Variants in GAN observed in about 807,000 individuals in gnomAD.
GAN encodes epididymis secretory sperm binding protein.
A neutral mutation model predicts 71.3 loss-of-function variants in GAN; 48 were observed. That is an observed-to-expected ratio of 0.67 (90% CI 0.53 to 0.86). GAN has a LOEUF of 0.86. Among genes scored for constraint, GAN ranks in the 40% least tolerant of loss-of-function variants. GAN has a pLI of 0.00. For synonymous variants in GAN, 386 were observed against 276.8 expected (o/e 1.39, Z -3.92); for missense variants, 928 against 770.1 (o/e 1.21, Z -2.43).
At position 81,379,041 on chromosome 16, in the gene GAN, G is replaced by T. The variant is rs1597415081; in HGVS notation, c.*1445G>T. ...TTTTTAATTGTTTTCTAAAAAAAAG[G>T]TTTTTTTTTTCCTTTTGGAATATGG... is the stretch of plus-strand genomic sequence containing the variant. On this transcript the variant is annotated 3_prime_UTR_variant, in exon 11 of 11. Coordinates refer to ENST00000648994, the MANE Select transcript of GAN (RefSeq NM_022041.4). 6.7e-6 allele frequency: 1 copy of T among 148,584 alleles called. No individual in the cohort carries two copies. The highest frequency in any genetic ancestry group is 6.7e-5 in the Admixed American group (1 of 14,872). The allele number at this position is 148,584 out of a possible 1,614,324, so 9.2% of individuals were successfully genotyped here.
intron 1 of GAN, among the ~76,000 whole-genome samples, chr16:81,341,548 G>A (rs1456839716): frequency 6.6e-6 from 1 of 152,136 alleles, no homozygotes; most frequent in Non-Finnish European, 1.5e-5. Context: ...CATAAGTGAA[G>A]GAGAAATAAA....
chr16:81,357,986 C>T (rs751299258), intron 5 of GAN, 55 bp downstream of exon 5: 1 of 1,441,498 alleles, frequency 6.9e-7, no homozygotes, highest in Non-Finnish European at 9.8e-7. Context: ...TGTGTAATCT[C>T]AAGGTTTTAC....
rs1386918917 is a variant in GAN, at chr16:81,388,589, G to GC, written c.*10997dup. The GC allele has an allele frequency of 6.5e-6, 1 of 153,108 alleles. No homozygotes were observed. Among genetic ancestry groups the GC allele is most frequent in the Non-Finnish European group, 1.5e-5 (1 of 68,776 alleles). The allele number at this position is 153,108 out of a possible 1,614,324, so 9.5% of individuals were successfully genotyped here. ...AAGCCGGGAGGGCAGGCAGGCACAG[G>GC]CCCCGCTCACTACCTCAGCACCCAG... is the stretch of plus-strand genomic sequence containing the variant. On this transcript the variant is annotated 3_prime_UTR_variant, in exon 11 of 11. Transcript: ENST00000648994.
chr16:81,356,383 T>C (rs371062535), intron 3 of GAN, among the ~76,000 whole-genome samples: 10 of 152,302 alleles, frequency 6.6e-5, no homozygotes, highest in African/African-American at 2.4e-4. Flanking sequence ...GTTTACCATA[T>C]TGTATTGAGC....
intron 2 of GAN, among the ~76,000 whole-genome samples, chr16:81,354,016 G>T (rs1019255000): frequency 1.3e-5 from 2 of 152,134 alleles, no homozygotes; most frequent in Non-Finnish European, 2.9e-5. Context: ...ATTTTCATCA[G>T]TTCTGATGCT....
chr16:81,332,341 G>T (rs1183171860), intron 1 of GAN, among the ~76,000 whole-genome samples: 1 of 152,202 alleles, frequency 6.6e-6, no homozygotes, highest in Non-Finnish European at 1.5e-5. Context: ...TGGGCTTGTG[G>T]AAAAGTTAGT....
At chr16:81,334,265 G>A (rs1414307670) in intron 1 of GAN, among the ~76,000 whole-genome samples, 1 of 152,216 alleles carries the variant, frequency 6.6e-6, no homozygotes. Flanking sequence ...GTTGGGGGAA[G>A]GGAGGCTGTC....
chr16:81,379,354 C>G lies in GAN; in HGVS notation c.*1758C>G, dbSNP rs1904294220. On this transcript the variant is annotated 3_prime_UTR_variant, in exon 11 of 11. Transcript: ENST00000648994. ...GTGTTGAGTGTGGTACATTAACTCT[C>G]CATTTTAGCCAGAAGATACCTGATA... The G allele has an allele frequency of 6.6e-6, 1 of 152,132 alleles. No individual in the cohort carries two copies. The highest frequency in any genetic ancestry group is 2.1e-4 in the South Asian group (1 of 4,824). The allele number at this position is 152,132 out of a possible 1,614,324, so 9.4% of individuals were successfully genotyped here. A position where few individuals can be genotyped will look rare whatever the true frequency, so the allele number is the denominator to read the frequency against.
rs922025345 is a variant in GAN at position 81,357,815 on chromosome 16, G to T, written c.857G>T (p.Arg286Leu). ...TCACTTATTTACTTCCTTAGTTCAC[G>T]GAAACCCACAGCAGCGATGCGATGC... ...VTVGGEERVSRKPTAAMRCMC... is the reference protein window; with the variant it reads ...VTVGGEERVSLKPTAAMRCMC... Residue 286 changes from arginine (R) to leucine (L), a missense_variant, in exon 5 of 11, where the codon CGG (arginine) becomes CTG (leucine). Coordinates refer to ENST00000648994, the MANE Select transcript of GAN (RefSeq NM_022041.4). 2 of 1,613,400 alleles carry T rather than the reference G, an allele frequency of 1.2e-6. No homozygotes were observed. Among genetic ancestry groups the T allele is most frequent in the South Asian group, 2.2e-5 (2 of 91,072 alleles).
chr16:81,388,954 A>C lies in GAN; in HGVS notation c.*11358A>C, dbSNP rs1904484937. 6.6e-6 allele frequency: 1 copy of C among 152,202 alleles called. No individual in the cohort carries two copies. The highest frequency in any genetic ancestry group is 2.4e-5 in the African/African-American group (1 of 41,440). The allele number at this position is 152,202 out of a possible 1,614,324, so 9.4% of individuals were successfully genotyped here. On this transcript the variant is annotated 3_prime_UTR_variant, in exon 11 of 11. Transcript: ENST00000648994. ...TTGTTAGTCTAGCATATGCTCATTG[A>C]AATTGACTTATGTTTTATTTTAAAA...
intron 1 of GAN, among the ~76,000 whole-genome samples, chr16:81,342,293 T>C (rs1909969066): frequency 6.6e-6 from 1 of 152,178 alleles, no homozygotes; most frequent in Non-Finnish European, 1.5e-5. Flanking sequence ...CAAATAGACA[T>C]CTACAGAACT....
intron 1 of GAN, among the ~76,000 whole-genome samples, chr16:81,326,363 C>A (rs1330814566): frequency 8.7e-5 from 12 of 138,714 alleles, no homozygotes; most frequent in East Asian, 2.1e-4. Context: ...ACTAAAAATA[C>A]AAAAAAAAAA....
At chr16:81,371,517 G>GGGT (rs1294877693) in intron 9 of GAN, among the ~76,000 whole-genome samples, 1 of 152,198 alleles carries the variant, frequency 6.6e-6, no homozygotes, top group East Asian at 1.9e-4. Context: ...CACCTGCCAT[G>GGGT]GGTGGCAGCT....
Position 81,379,015 on chromosome 16 carries a change from A to C in GAN, c.*1419A>C, listed in dbSNP as rs1431010351. On this transcript the variant is annotated 3_prime_UTR_variant, in exon 11 of 11. Transcript: ENST00000648994. ...TAATCAATTTAATATACAGTACTTC[A>C]TTTTTAATTGTTTTCTAAAAAAAAG... The C allele has an allele frequency of 6.6e-6, 1 of 151,790 alleles. No individual in the cohort carries two copies. The highest frequency in any genetic ancestry group is 1.9e-4 in the East Asian group (1 of 5,178). 9.4% of individuals were successfully genotyped at this position (151,790 alleles called of 1,614,324 possible).
Position 81,316,491 on chromosome 16 carries a change from G to A in GAN, c.167+1211G>A, listed in dbSNP as rs575170684. Among the ~76,000 whole-genome samples, 632 of 139,270 alleles carry A rather than the reference G, an allele frequency of 4.5e-3. 1 individual carries two copies. The highest frequency in any genetic ancestry group is 7.9e-3 in the Non-Finnish European group (505 of 63,626). The allele number at this position is 139,270 out of a possible 152,430, so 91.4% of individuals were successfully genotyped here. On this transcript the variant is annotated intron_variant, in intron 1 of 10. Coordinates refer to ENST00000648994, the MANE Select transcript of GAN (RefSeq NM_022041.4). ...TTGGCGGTGGGGAGTGTGGAGGGGT[G>A]GGGGGGCGGGGCGGCAGTAGGGTCT...
At position 81,360,103 on chromosome 16, in the gene GAN, T is replaced by C. The variant is rs1597404508; in HGVS notation, c.973+2172T>C. Among the ~76,000 whole-genome samples the C allele has an allele frequency of 2.6e-5, 4 of 152,228 alleles. No individual in the cohort carries two copies. The East Asian group carries it at 5.8e-4, about 22-fold the overall frequency. On this transcript the variant is annotated intron_variant, in intron 5 of 10. Transcript: ENST00000648994. ...GACAGACAGATAGGTAGATAGATGA[T>C]TGATAGACAGGCAGGTAGGTAGGTA...
chr16:81,374,071 C>T (rs781696907), intron 9 of GAN, among the ~76,000 whole-genome samples: 1 of 152,178 alleles, frequency 6.6e-6, no homozygotes, highest in Non-Finnish European at 1.5e-5. Flanking sequence ...ACTCTCATGA[C>T]CTTCATCCTC....
intron 1 of GAN, among the ~76,000 whole-genome samples, chr16:81,319,020 A>C (rs1046147584): frequency 6.6e-6 from 1 of 151,996 alleles, no homozygotes; most frequent in Non-Finnish European, 1.5e-5. Flanking sequence ...AACTAAACCT[A>C]AAAGTAGTTG....
chr16:81,355,747 A>G (rs1377257267), intron 3 of GAN, among the ~76,000 whole-genome samples: 3 of 152,260 alleles, frequency 2.0e-5, no homozygotes, highest in African/African-American at 7.2e-5. Context: ...ATTAGGTGTT[A>G]GAGAGTGGAT....
Sources: gnomAD v4.1 joint callset for allele counts (sites outside exome capture counted in the v4.1 genomes callset) on GRCh38, gnomAD v4.1.1 for gene constraint, MANE v1.5 for transcripts, NCBI Gene and HGNC (gene_info 2026-07-23, HGNC 2026-07-21) for gene names.